The following USP34 variants were observed in gnomAD, a reference collection of about 807,000 sequenced individuals.
USP34 encodes ubiquitin carboxyl-terminal hydrolase 34.
Under a neutral mutation model 460.3 loss-of-function variants are expected in USP34, and 70 were observed. The ratio of observed to expected loss-of-function variants is 0.15; its 90% CI spans 0.13 to 0.19. USP34 has a LOEUF of 0.19. Ranked by LOEUF, USP34 falls within the 10% of genes least tolerant of loss-of-function variation. The pLI is 1.00. For synonymous variants in USP34, 1,647 were observed against 1,405.3 expected, an observed-to-expected ratio of 1.17 and a Z score of -3.85; for missense variants, 3,985 against 4,236.2, an observed-to-expected ratio of 0.94 and a Z score of 1.65.
intron 41 of USP34, among the ~76,000 whole-genome samples, chr2:61,271,235 C>T (rs1432315080): frequency 3.3e-5 from 5 of 152,148 alleles, no homozygotes; most frequent in African/African-American, 1.2e-4. Flanking sequence ...ACCTGGAAGG[C>T]AGAGGTTGCA....
chr2:61,233,404 G>A (rs1362699310), intron 57 of USP34, among the ~76,000 whole-genome samples: 4 of 152,086 alleles, frequency 2.6e-5, no homozygotes, highest in Admixed American at 6.6e-5. Context: ...ATAGATTAAG[G>A]AAGACTTAAC....
chr2:61,239,962 G>A (rs1368949003), intron 53 of USP34, among the ~76,000 whole-genome samples: 1 of 144,992 alleles, frequency 6.9e-6, no homozygotes, highest in Non-Finnish European at 1.5e-5. Context: ...AGTGAGCTGA[G>A]ATCCCGTCAC....
At chr2:61,405,247 AAAAAAAAAAAGAAAGAAAG>A (rs1293689614) in intron 3 of USP34, among the ~76,000 whole-genome samples, 2 of 149,590 alleles carry the variant, frequency 1.3e-5, no homozygotes, top group Admixed American at 6.7e-5. Flanking sequence ...AAAAAAAAAA[AAAAAAAAAAAGAAAGAAAG>A]AAAGAAAGAA....
rs1693480282 is a variant in USP34, at chr2:61,395,200, C to G, written c.586G>C (p.Ala196Pro). 1 of 1,503,788 alleles carries G rather than the reference C, an allele frequency of 6.6e-7. No homozygotes were observed. 93.2% of individuals were successfully genotyped at this position (1,503,788 alleles called of 1,614,324 possible). ...ISTQESNILG[A>P]FCDMNDVEVP... Reference sequence around the variant, plus strand: ...ACACTTACATTCATATCACAGAATGCCCCTAATATGTTACTTTCTTGAGTT... The same window carrying G: ...ACACTTACATTCATATCACAGAATGGCCCTAATATGTTACTTTCTTGAGTT... Residue 196 changes from alanine to proline, a missense_variant, in exon 4 of 80, where the codon GCA (alanine) becomes CCA (proline). Ala to Pro is a conservative substitution (Grantham distance 27). Coordinates refer to ENST00000398571, the MANE Select transcript of USP34 (RefSeq NM_014709.4).
chr2:61,190,906 A>T (rs1443321146), intron 76 of USP34: 1 of 359,198 alleles, frequency 2.8e-6, no homozygotes, highest in East Asian at 5.0e-5. Flanking sequence ...GCCGAAACTG[A>T]ACAAATGTTT....
chr2:61,439,656 C>T (rs542625996), intron 1 of USP34, among the ~76,000 whole-genome samples: 6 of 152,210 alleles, frequency 3.9e-5, no homozygotes, highest in South Asian at 2.1e-4. Flanking sequence ...TGGCAGCCCC[C>T]GTGGAGCACA....
chr2:61,240,396 A>C (rs1014734850), intron 53 of USP34, among the ~76,000 whole-genome samples: 2 of 151,758 alleles, frequency 1.3e-5, no homozygotes, highest in Non-Finnish European at 2.9e-5. Context: ...CTCCTGCCTC[A>C]GCCTCCCGAG....
intron 8 of USP34, among the ~76,000 whole-genome samples, chr2:61,375,983 A>C (rs1357814795): frequency 6.6e-6 from 1 of 152,124 alleles, no homozygotes; most frequent in African/African-American, 2.4e-5. Flanking sequence ...CTATCATTTG[A>C]TTCCTTTTAA....
At chr2:61,398,513 A>G (rs546866506) in intron 3 of USP34, among the ~76,000 whole-genome samples, 29 of 108,538 alleles carry the variant, frequency 2.7e-4, no homozygotes, top group African/African-American at 9.2e-4. Context: ...AAGCAGGGGA[A>G]GGAGGCGGAA....
In USP34 at chr2:61,188,464, T is replaced by A; in HGVS notation, c.10279A>T (p.Met3427Leu). 6.2e-7 allele frequency: 1 copy of A among 1,614,248 alleles called. No individual in the cohort carries two copies. The highest frequency in any genetic ancestry group is 8.5e-7 in the Non-Finnish European group (1 of 1,180,046). The change falls in exon 80 of 80, where the codon ATG becomes TTG. Residue 3427 changes from methionine (M) to leucine (L), a missense_variant. This residue lies in a region of USP34 where 506 missense variants were observed against 439.0 expected (regional missense o/e 1.15). Coordinates refer to ENST00000398571, the MANE Select transcript of USP34 (RefSeq NM_014709.4). ...GCATGCTGTGACCTGATATTTGACA[T>A]GTCTTCTGAAAACGAAGATGGAACT... is the stretch of plus-strand genomic sequence containing the variant. The part of the protein sequence containing the change: ...MEVPSSFSED[M>L]SNIRSQHAEE...
At chr2:61,230,068 T>C (rs1402550951) in intron 58 of USP34, among the ~76,000 whole-genome samples, 1 of 151,078 alleles carries the variant, frequency 6.6e-6, no homozygotes, top group South Asian at 2.1e-4. Flanking sequence ...ATGAAAAAAA[T>C]GTGTAACCAT....
At chr2:61,265,284 CT>C in intron 43 of USP34, 112 bp downstream of exon 43, 1 of 1,234,206 alleles carries the variant, frequency 8.1e-7, no homozygotes, top group South Asian at 1.5e-5. Context: ...ATCAAATTTA[CT>C]TTTATTCACA....
chr2:61,227,344 A>G, intron 61 of USP34, 126 bp from the exon 62 acceptor site: 1 of 1,040,316 alleles, frequency 9.6e-7, no homozygotes, highest in Non-Finnish European at 1.4e-6. Context: ...ACAACTGCAC[A>G]AAGACCTAAA....
intron 2 of USP34, among the ~76,000 whole-genome samples, chr2:61,414,155 T>G (rs1430966851): frequency 6.6e-6 from 1 of 151,768 alleles, no homozygotes; most frequent in African/African-American, 2.4e-5. Context: ...CTCGGGAGGC[T>G]GAGGCAGGAG....
rs1468171692 is a variant in USP34, at chr2:61,281,189, C to G, written c.5052G>C (p.Gly1684=). The G allele has an allele frequency of 8.1e-6, 13 of 1,614,048 alleles. No individual in the cohort carries two copies. Among genetic ancestry groups the G allele is most frequent in the Non-Finnish European group, 1.1e-5 (13 of 1,179,960 alleles). The part of the protein sequence containing the change: ...CSGLYKLSLS[G]LDGGDSINRS... Reference sequence around the variant, plus strand: ...GATTGATTGAGTCTCCTCCATCCAGCCCTGACAGGGATAACTTATAGAGAC... The same window carrying G: ...GATTGATTGAGTCTCCTCCATCCAGGCCTGACAGGGATAACTTATAGAGAC... Residue 1684 remains glycine, a synonymous_variant, in exon 38 of 80, where the codon GGG becomes GGC. Transcript: ENST00000398571.
intron 34 of USP34, 39 bp downstream of exon 34, chr2:61,288,638 A>C: frequency 6.3e-7 from 1 of 1,589,496 alleles, no homozygotes; most frequent in Non-Finnish European, 8.6e-7. Flanking sequence ...TATAAAAATA[A>C]ATGGAATTCA....
At chr2:61,443,006 A>G (rs1695009144) in intron 1 of USP34, among the ~76,000 whole-genome samples, 1 of 152,132 alleles carries the variant, frequency 6.6e-6, no homozygotes, top group African/African-American at 2.4e-5. Flanking sequence ...GAACTGGAGG[A>G]CATTATCTTA....
In USP34 at chr2:61,214,431, T is replaced by A; in HGVS notation, c.8311A>T (p.Met2771Leu). The A allele has an allele frequency of 6.2e-7, 1 of 1,614,214 alleles. No homozygotes were observed. The highest frequency in any genetic ancestry group is 1.1e-5 in the South Asian group (1 of 91,080). The change falls in exon 68 of 80, where the codon ATG becomes TTG. Residue 2771 changes from methionine (M) to leucine (L), a missense_variant. Physicochemically the swap from Met to Leu is conservative, Grantham distance 15. Transcript: ENST00000398571. ...AAATCCATGAAATATGTGGAAAACA[T>A]CAGCTTCTCAGTTTTGGAAATTAAA... ...YCLISKTEKL[M>L]FSTYFMDLWN...
intron 1 of USP34, among the ~76,000 whole-genome samples, chr2:61,439,497 T>G (rs1694906332): frequency 6.6e-6 from 1 of 152,154 alleles, no homozygotes; most frequent in South Asian, 2.1e-4. Context: ...CCGTTTCCAT[T>G]TCTTGGAAGG....
Sources: allele counts gnomAD v4.1 joint callset (sites outside exome capture counted in the v4.1 genomes callset), GRCh38; gene constraint gnomAD v4.1.1; regional missense constraint gnomAD v4.1.1; transcripts MANE v1.5; gene names NCBI Gene and HGNC (gene_info 2026-07-23, HGNC 2026-07-21).